Variants in PDE4D observed in about 807,000 individuals in gnomAD.
PDE4D encodes phosphodiesterase 4D.
A neutral mutation model predicts 87.4 loss-of-function variants in PDE4D; 24 were observed. The ratio of observed to expected loss-of-function variants is 0.27; its 90% CI spans 0.20 to 0.39. The LOEUF is 0.39. PDE4D is among the 10% of genes least tolerant of loss of function. PDE4D has a pLI of 1.00. For missense variants in PDE4D, 714 were observed against 1,041.0 expected, an observed-to-expected ratio of 0.69 and a Z score of 4.32; for synonymous variants, 384 against 383.2, an observed-to-expected ratio of 1.00 and a Z score of -0.02.
At chr5:59,656,983 T>C (rs1744468136) in intron 1 of PDE4D, among the ~76,000 whole-genome samples, 1 of 152,172 alleles carries the variant, frequency 6.6e-6, no homozygotes, top group Non-Finnish European at 1.5e-5. Flanking sequence ...ACCTGCCTTT[T>C]ACAGTTGTCC....
chr5:59,427,817 C>CAAA (rs11356537), intron 1 of PDE4D, among the ~76,000 whole-genome samples: 700 of 66,636 alleles, frequency 0.011, 11 homozygotes, highest in African/African-American at 0.025. Context: ...GACCCTGTCT[C>CAAA]AAAAAAAAAA....
At chr5:60,121,478 A>G (rs1778677108) in intron 2 of PDE4D, among the ~76,000 whole-genome samples, 1 of 152,172 alleles carries the variant, frequency 6.6e-6, no homozygotes, top group Admixed American at 6.5e-5. Context: ...CAATCATGGC[A>G]GGAGGCAAAA....
intron 1 of PDE4D, among the ~76,000 whole-genome samples, chr5:59,877,553 T>A (rs159610): frequency 0.44 from 66,290 of 149,278 alleles, 18,630 homozygotes; most frequent in African/African-American, 0.8. Context: ...GGTGGGTCAC[T>A]CCTGTAATCC....
At chr5:60,400,521 CAAAAAAAA>C (rs56750243) in intron 1 of PDE4D, among the ~76,000 whole-genome samples, 32 of 62,318 alleles carry the variant, frequency 5.1e-4, no homozygotes, top group Middle Eastern at 9.3e-3. Context: ...GACTCCATCT[CAAAAAAAA>C]AAAAAAAAAA....
At chr5:59,255,024 AG>A (rs1760702408) in intron 1 of PDE4D, among the ~76,000 whole-genome samples, 1 of 152,140 alleles carries the variant, frequency 6.6e-6, no homozygotes, top group Non-Finnish European at 1.5e-5. Flanking sequence ...GGTTAAACTT[AG>A]AGCTACCATT....
chr5:59,574,650 A>T (rs1390714621), intron 1 of PDE4D, among the ~76,000 whole-genome samples: 1 of 152,150 alleles, frequency 6.6e-6, no homozygotes, highest in Non-Finnish European at 1.5e-5. Context: ...TTATCAAAAT[A>T]TACCTGTCAC....
intron 1 of PDE4D, among the ~76,000 whole-genome samples, chr5:59,248,163 A>G (rs1759255022): frequency 6.7e-6 from 1 of 148,344 alleles, no homozygotes; most frequent in South Asian, 2.3e-4. Flanking sequence ...AAATACAAGA[A>G]AAAGAAAATT....
intron 6 of PDE4D, among the ~76,000 whole-genome samples, chr5:59,027,041 A>C (rs1283901930): frequency 6.6e-6 from 1 of 152,102 alleles, no homozygotes; most frequent in African/African-American, 2.4e-5. Flanking sequence ...ATACCACATA[A>C]TATTTAGTCC....
In PDE4D at chr5:60,167,016, T is replaced by C. The variant is rs527340821; in HGVS notation, c.42+18541A>G. On this transcript the variant is annotated intron_variant, in intron 2 of 16. Coordinates refer to the PDE4D transcript ENST00000502484. The stretch of plus-strand genomic sequence containing the variant: ...GATTTTTGAGAATTTTATCGTAATA[T>C]GTATTGAATAGTCTTATTTTAACTG... 2.6e-5 allele frequency among the ~76,000 whole-genome samples: 4 copies of C among 152,302 alleles called. No homozygotes were observed. The South Asian group carries it at 8.3e-4, about 32-fold the overall frequency.
chr5:59,041,858 A>G (rs1759741667), intron 5 of PDE4D, among the ~76,000 whole-genome samples: 1 of 152,190 alleles, frequency 6.6e-6, no homozygotes, highest in Admixed American at 6.5e-5. Context: ...AATTCAGGAA[A>G]GTTTTGGCTA....
chr5:60,218,188 T>C (rs1196106321), intron 1 of PDE4D, among the ~76,000 whole-genome samples: 1 of 152,036 alleles, frequency 6.6e-6, no homozygotes, highest in African/African-American at 2.4e-5. Flanking sequence ...ATGAAGCTAA[T>C]GATTATTTAT....
chr5:59,021,338 G>T (rs1328076033), intron 6 of PDE4D, among the ~76,000 whole-genome samples: 5 of 152,128 alleles, frequency 3.3e-5, no homozygotes, highest in African/African-American at 1.2e-4. Flanking sequence ...AACTCAGTGG[G>T]CCATCACATA....
At chr5:60,305,741 T>C (rs1377738377) in intron 1 of PDE4D, among the ~76,000 whole-genome samples, 2 of 147,506 alleles carry the variant, frequency 1.4e-5, no homozygotes, top group East Asian at 4.0e-4. Flanking sequence ...TCAAATAAAA[T>C]ATAGACTCTA....
intron 3 of PDE4D, among the ~76,000 whole-genome samples, chr5:59,933,798 G>A (rs985519009): frequency 2.3e-5 from 3 of 131,482 alleles, no homozygotes; most frequent in African/African-American, 9.6e-5. Flanking sequence ...ATATTAATAA[G>A]CATTCATATA....
chr5:60,458,001 T>A (rs1161946433), intron 1 of PDE4D, among the ~76,000 whole-genome samples: 2 of 152,194 alleles, frequency 1.3e-5, no homozygotes, highest in South Asian at 4.1e-4. Context: ...TTAGAACCAC[T>A]GGAGCTATGA....
intron 1 of PDE4D, among the ~76,000 whole-genome samples, chr5:59,749,097 T>C (rs1466720135): frequency 1.3e-5 from 2 of 152,208 alleles, no homozygotes; most frequent in Non-Finnish European, 2.9e-5. Flanking sequence ...GGGAAATTTG[T>C]TATATTCCAC....
intron 1 of PDE4D, among the ~76,000 whole-genome samples, chr5:60,405,659 A>G (rs1256942283): frequency 6.6e-6 from 1 of 152,266 alleles, no homozygotes; most frequent in Non-Finnish European, 1.5e-5. Flanking sequence ...ATTATAACAT[A>G]GTGGCCTACA....
intron 5 of PDE4D, among the ~76,000 whole-genome samples, chr5:59,130,615 C>T (rs1000142878): frequency 3.3e-5 from 5 of 152,256 alleles, no homozygotes; most frequent in African/African-American, 4.8e-5. Context: ...GAGTGGTCTG[C>T]GTAAGTCCTA....
intron 1 of PDE4D, among the ~76,000 whole-genome samples, chr5:59,477,184 T>C (rs1043029110): frequency 3.6e-4 from 55 of 151,900 alleles, no homozygotes; most frequent in African/African-American, 1.3e-3. Flanking sequence ...GAGTAAAGGA[T>C]TTCTGTAACT....
Sources: gnomAD v4.1 joint callset for allele counts (sites outside exome capture counted in the v4.1 genomes callset) on GRCh38, gnomAD v4.1.1 for gene constraint, MANE v1.5 for transcripts, NCBI Gene and HGNC (gene_info 2026-07-23, HGNC 2026-07-21) for gene names.